Variants in CPLX2 observed in about 807,000 individuals in gnomAD.
CPLX2 encodes the protein complexin 2.
A neutral mutation model predicts 16.3 loss-of-function variants in CPLX2; 5 were observed. The observed-to-expected ratio is 0.31, with a 90% CI of 0.16 to 0.64. The LOEUF (loss-of-function observed/expected upper bound fraction) is 0.64, where lower values mean the gene tolerates loss of function less well. Ranked by LOEUF, CPLX2 falls within the 30% of genes least tolerant of loss-of-function variation. The pLI is 0.79. For synonymous variants in CPLX2, 89 were observed against 73.2 expected (o/e 1.22, Z -1.10); for missense variants, 144 against 181.4 (o/e 0.79, Z 1.18).
At chr5:175,860,459 A>C (rs1759341522) in intron 2 of CPLX2, among the ~76,000 whole-genome samples, 1 of 150,196 alleles carries the variant, frequency 6.7e-6, no homozygotes, top group South Asian at 2.1e-4. Context: ...AGAGAGAGAA[A>C]GAAAGAGAGA....
chr5:175,798,134 G>C (rs1758028041), intron 1 of CPLX2, among the ~76,000 whole-genome samples: 1 of 152,206 alleles, frequency 6.6e-6, no homozygotes, highest in Admixed American at 6.5e-5. Flanking sequence ...CACATGCAAG[G>C]AGAATAGCAG....
intron 2 of CPLX2, among the ~76,000 whole-genome samples, chr5:175,832,745 C>T (rs1293514467): frequency 1.3e-5 from 2 of 152,154 alleles, no homozygotes; most frequent in Admixed American, 6.5e-5. Flanking sequence ...CAAGAAAGCA[C>T]CTCTTCCTGA....
chr5:175,879,052 G>T lies in CPLX2; in HGVS notation c.176G>T (p.Arg59Leu). Residue 59 changes from arginine to leucine, a missense_variant, in exon 3 of 4, where the codon CGG becomes CTG. Arg to Leu is a moderately radical substitution (Grantham distance 102, BLOSUM62 -2). Coordinates refer to ENST00000393745, the MANE Select transcript of CPLX2 (RefSeq NM_001008220.2). ...AAGCACGCGCGCATGGAGGCGGAGCGGGAGAAGGTCCGGCAGCAGATCCGA... is the reference window on the plus strand; with the variant it reads ...AAGCACGCGCGCATGGAGGCGGAGCTGGAGAAGGTCCGGCAGCAGATCCGA... ...KAKHARMEAE[R>L]EKVRQQIRDK... The T allele has an allele frequency of 1.3e-6, 2 of 1,584,654 alleles. No homozygotes were observed. Among genetic ancestry groups the T allele is most frequent in the Non-Finnish European group, 1.7e-6 (2 of 1,165,918 alleles).
Position 175,879,887 on chromosome 5 carries a change from A to G in CPLX2, c.247A>G (p.Lys83Glu). 1 of 1,613,234 alleles carries G rather than the reference A, an allele frequency of 6.2e-7. No homozygotes were observed. Among genetic ancestry groups the G allele is most frequent in the African/African-American group, 1.3e-5 (1 of 74,986 alleles). The change falls in exon 4 of 4, where the codon AAA becomes GAA. Residue 83 changes from lysine (K) to glutamate (E), a missense_variant. Transcript: ENST00000393745. ...GAAGGAGGAGAAGGAAGCAGAGGAG[A>G]AAGCAGCCCTGGAGCAGCCCTGCGA... is the stretch of plus-strand genomic sequence containing the variant. ...KKKEEKEAEE[K>E]AALEQPCEGS...
upstream of CPLX2, among the ~76,000 whole-genome samples, chr5:175,869,661 G>GC (rs1405734846): frequency 6.6e-6 from 1 of 152,176 alleles, no homozygotes; most frequent in Non-Finnish European, 1.5e-5. Context: ...AAGGGTTAAT[G>GC]CCCCCTCCGT....
intron 2 of CPLX2, among the ~76,000 whole-genome samples, chr5:175,851,260 T>C (rs964757272): frequency 1.3e-5 from 2 of 152,104 alleles, no homozygotes; most frequent in Admixed American, 1.3e-4. Flanking sequence ...GCACCATTCA[T>C]TCATTCCTCC....
At chr5:175,857,169 T>A (rs903710794) in intron 2 of CPLX2, among the ~76,000 whole-genome samples, 23 of 152,170 alleles carry the variant, frequency 1.5e-4, no homozygotes, top group African/African-American at 5.5e-4. Context: ...CTGGGCTCCA[T>A]TCTGTCCTGG....
At chr5:175,827,927 C>T (rs994092209) in intron 2 of CPLX2, among the ~76,000 whole-genome samples, 1 of 152,238 alleles carries the variant, frequency 6.6e-6, no homozygotes, top group South Asian at 2.1e-4. Context: ...GACCCAGACT[C>T]TGCCCCCAAG....
upstream of CPLX2, chr5:175,871,393 GGAGAGAAAGAGAGAGAGGA>G (rs1759590200): frequency 1.6e-5 from 2 of 125,138 alleles, no homozygotes; most frequent in Non-Finnish European, 3.3e-5. Flanking sequence ...GGGGAGGGAG[GGAGAGAAAGAGAGAGAGGA>G]GAGAGAGAGA....
intron 2 of CPLX2, chr5:175,861,715 C>T (rs1391171851): frequency 6.6e-6 from 1 of 152,214 alleles, no homozygotes; most frequent in African/African-American, 2.4e-5. Flanking sequence ...ACAGAGCGGC[C>T]CTGTGAAGTC....
At position 175,880,147 on chromosome 5, in the gene CPLX2, AGTT is replaced by A. The variant is rs1755540844; in HGVS notation, c.*104_*106del. The A allele has an allele frequency of 7.6e-7, 1 of 1,318,652 alleles. No individual in the cohort carries two copies. The highest frequency in any genetic ancestry group is 1.5e-5 in the African/African-American group (1 of 68,390). 81.7% of individuals were successfully genotyped at this position (1,318,652 alleles called of 1,614,324 possible). ...TCTCAATTCTGAAGGGGAAAACCTC[AGTT>A]GGCCTCTGCCCCTCTTCCCTGGCCA... On this transcript the variant is annotated 3_prime_UTR_variant, in exon 4 of 4. Coordinates refer to ENST00000393745, the MANE Select transcript of CPLX2 (RefSeq NM_001008220.2).
At chr5:175,878,882 C>T (rs777111870) in intron 2 of CPLX2, 26 bp from the exon 3 acceptor site, 7 of 1,610,492 alleles carry the variant, frequency 4.3e-6, no homozygotes, top group Non-Finnish European at 5.9e-6. Context: ...TGACCCCGCC[C>T]TCTCCTTCCC....
chr5:175,864,405 C>T (rs1581098233), intron 2 of CPLX2, among the ~76,000 whole-genome samples: 1 of 152,336 alleles, frequency 6.6e-6, no homozygotes, highest in East Asian at 1.9e-4. Flanking sequence ...CCAATTCCAT[C>T]TGGCTTGCAA....
intron 2 of CPLX2, among the ~76,000 whole-genome samples, chr5:175,824,846 T>C (rs529373101): frequency 6.6e-6 from 1 of 152,322 alleles, no homozygotes; most frequent in African/African-American, 2.4e-5. Context: ...CCAGCAGGTG[T>C]GTCCAACCGA....
At chr5:175,854,726 T>C (rs549041911) in intron 2 of CPLX2, among the ~76,000 whole-genome samples, 1 of 152,190 alleles carries the variant, frequency 6.6e-6, no homozygotes, top group South Asian at 2.1e-4. Flanking sequence ...CATCCCAAGA[T>C]CACAGCAGCC....
intron 2 of CPLX2, among the ~76,000 whole-genome samples, chr5:175,851,874 G>A (rs1183146302): frequency 6.6e-6 from 1 of 152,216 alleles, no homozygotes; most frequent in Non-Finnish European, 1.5e-5. Flanking sequence ...CTCAAGAAGA[G>A]GCAGATGTAT....
chr5:175,855,202 C>T (rs1759231571), intron 2 of CPLX2, among the ~76,000 whole-genome samples: 1 of 152,160 alleles, frequency 6.6e-6, no homozygotes, highest in Admixed American at 6.5e-5. Flanking sequence ...TGACATCTGC[C>T]TTCTACCATA....
At chr5:175,844,094 T>C (rs1254103674) in intron 2 of CPLX2, among the ~76,000 whole-genome samples, 2 of 152,202 alleles carry the variant, frequency 1.3e-5, no homozygotes, top group Non-Finnish European at 2.9e-5. Context: ...GTGATCTTCA[T>C]TAAAAGGGGT....
chr5:175,839,946 T>C (rs1758917063), intron 2 of CPLX2, among the ~76,000 whole-genome samples: 1 of 152,234 alleles, frequency 6.6e-6, no homozygotes, highest in Admixed American at 6.5e-5. Flanking sequence ...TAGAAAACAA[T>C]TGCAATCACT....
Sources: gnomAD v4.1 joint callset for allele counts (sites outside exome capture counted in the v4.1 genomes callset) on GRCh38, gnomAD v4.1.1 for gene constraint, MANE v1.5 for transcripts, NCBI Gene and HGNC (gene_info 2026-07-23, HGNC 2026-07-21) for gene names.